The following ERC1 variants were observed in gnomAD, a reference collection of about 807,000 sequenced individuals.
ERC1 encodes the protein RAB6 interacting protein 2.
A neutral mutation model predicts 132.0 loss-of-function variants in ERC1; 56 were observed. The ratio of observed to expected loss-of-function variants is 0.42; its 90% CI spans 0.34 to 0.53. ERC1 has a LOEUF of 0.53. Ranked by LOEUF, ERC1 falls within the 20% of genes least tolerant of loss-of-function variation. ERC1 has a pLI of 0.03. For missense variants in ERC1, 1,202 were observed against 1,349.9 expected, an observed-to-expected ratio of 0.89 and a Z score of 1.72; for synonymous variants, 478 against 476.1, an observed-to-expected ratio of 1.00 and a Z score of -0.05.
chr12:1,024,031 T>C (rs1003996654), intron 1 of ERC1, among the ~76,000 whole-genome samples: 4 of 152,176 alleles, frequency 2.6e-5, no homozygotes, highest in African/African-American at 9.7e-5. Flanking sequence ...GTTTGATTTC[T>C]TTGTTTCTCT....
intron 16 of ERC1, among the ~76,000 whole-genome samples, chr12:1,407,276 T>A (rs1437582837): frequency 1.3e-5 from 2 of 149,210 alleles, no homozygotes; most frequent in African/African-American, 2.6e-5. Flanking sequence ...AGAAAAGCTA[T>A]TTATATATAT....
chr12:1,200,126 A>C (rs1956767670), intron 12 of ERC1, among the ~76,000 whole-genome samples: 1 of 152,156 alleles, frequency 6.6e-6, no homozygotes, highest in African/African-American at 2.4e-5. Context: ...AAGATTTCAC[A>C]ACTAGTTTCT....
chr12:1,411,101 C>G (rs1565379126), intron 17 of ERC1, among the ~76,000 whole-genome samples: 1 of 152,090 alleles, frequency 6.6e-6, no homozygotes, highest in Non-Finnish European at 1.5e-5. Flanking sequence ...TCTTTTCCCT[C>G]CCTTTTCATG....
rs562562183 is a variant in ERC1 at position 991,271 on chromosome 12, C to A, written c.-208C>A. ...GCGGCGGCGGCGGCGGTAGTGGCGG[C>A]GGCGGCGGTGCCTGGGCGGCAGCAG... On this transcript the variant is annotated 5_prime_UTR_variant, in exon 1 of 19. Coordinates refer to ENST00000360905, the MANE Select transcript of ERC1 (RefSeq NM_178040.4). 6.0e-5 allele frequency: 10 copies of A among 165,616 alleles called. No individual in the cohort carries two copies. The East Asian group carries it at 1.2e-3, about 20-fold the overall frequency. 10.3% of individuals were successfully genotyped at this position (165,616 alleles called of 1,614,324 possible). A position where few individuals can be genotyped will look rare whatever the true frequency, so the allele number is the denominator to read the frequency against.
chr12:1,189,594 C>T (rs1266819068), intron 11 of ERC1, among the ~76,000 whole-genome samples: 1 of 152,064 alleles, frequency 6.6e-6, no homozygotes, highest in Non-Finnish European at 1.5e-5. Flanking sequence ...GCATCTTTTG[C>T]CTTATGATGG....
At chr12:1,003,695 G>GGCAA (rs1192934350) in intron 1 of ERC1, among the ~76,000 whole-genome samples, 1 of 152,166 alleles carries the variant, frequency 6.6e-6, no homozygotes, top group East Asian at 1.9e-4. Flanking sequence ...CACAAGACAA[G>GGCAA]GCAAGGCTAA....
In ERC1 at chr12:1,400,908, A is replaced by ATTTTTTTTTTTTTTTT. The variant is rs2090967822; in HGVS notation, c.2926-7236_2926-7235insTTTTTTTTTTTTTTTT. 2.3e-4 allele frequency among the ~76,000 whole-genome samples: 10 copies of ATTTTTTTTTTTTTTTT among 43,408 alleles called. 2 individuals carry two copies. Among genetic ancestry groups the ATTTTTTTTTTTTTTTT allele is most frequent in the Non-Finnish European group, 2.3e-4 (4 of 17,696 alleles). 28.5% of individuals were successfully genotyped at this position (43,408 alleles called of 152,430 possible). On this transcript the variant is annotated intron_variant, in intron 16 of 18. Transcript: ENST00000360905. The stretch of plus-strand genomic sequence containing the variant: ...CTTCTCATTCAATATTGTTTTGGCT[A>ATTTTTTTTTTTTTTTT]TTTTTGTATTTTTTTTTTTTTTTTT...
intron 18 of ERC1, among the ~76,000 whole-genome samples, chr12:1,465,109 C>T (rs2093718328): frequency 6.6e-6 from 1 of 152,114 alleles, no homozygotes; most frequent in African/African-American, 2.4e-5. Flanking sequence ...TTGACAATTA[C>T]TGTAATCCAG....
At chr12:1,416,187 G>A (rs1859390) in intron 17 of ERC1, among the ~76,000 whole-genome samples, 3,883 of 152,286 alleles carry the variant, frequency 0.025, 192 homozygotes, top group African/African-American at 0.088. Context: ...AGGAATATCT[G>A]TAGGTTACCC....
chr12:1,203,303 T>C (rs1957080776), intron 12 of ERC1, among the ~76,000 whole-genome samples: 1 of 152,082 alleles, frequency 6.6e-6, no homozygotes, highest in Non-Finnish European at 1.5e-5. Context: ...GGTGATCTGC[T>C]TGCCTCGGCC....
At chr12:1,400,833 A>G (rs1477176555) in intron 16 of ERC1, among the ~76,000 whole-genome samples, 2 of 147,174 alleles carry the variant, frequency 1.4e-5, no homozygotes, top group African/African-American at 5.0e-5. Context: ...TAAACCTACT[A>G]TTTACTGTAG....
intron 17 of ERC1, among the ~76,000 whole-genome samples, chr12:1,433,614 G>A (rs1005088011): frequency 3.9e-5 from 6 of 152,132 alleles, no homozygotes; most frequent in African/African-American, 7.2e-5. Flanking sequence ...GCTGGAGGCT[G>A]GTTTGTTAAT....
chr12:1,218,582 G>C (rs1290284643), intron 12 of ERC1, among the ~76,000 whole-genome samples: 1 of 152,080 alleles, frequency 6.6e-6, no homozygotes, highest in African/African-American at 2.4e-5. Context: ...CTCTTGTCAA[G>C]TTATCATAAA....
chr12:1,424,864 C>CTAGCTAGCTA (rs2092577951), intron 17 of ERC1, among the ~76,000 whole-genome samples: 1 of 100,950 alleles, frequency 9.9e-6, no homozygotes, highest in African/African-American at 3.8e-5. Flanking sequence ...ATAGATAGAT[C>CTAGCTAGCTA]GATAGATAGA....
intron 15 of ERC1, among the ~76,000 whole-genome samples, chr12:1,360,317 G>A (rs1279891202): frequency 6.6e-6 from 1 of 152,208 alleles, no homozygotes; most frequent in East Asian, 1.9e-4. Context: ...TGAAGTAGAA[G>A]AATCTTTCTA....
intron 17 of ERC1, among the ~76,000 whole-genome samples, chr12:1,412,618 G>T (rs570065240): frequency 6.6e-6 from 1 of 152,102 alleles, no homozygotes; most frequent in South Asian, 2.1e-4. Flanking sequence ...TGTGAGACAC[G>T]TGGACTCCAG....
At chr12:1,277,696 A>G (rs778117275) in intron 14 of ERC1, among the ~76,000 whole-genome samples, 2 of 152,232 alleles carry the variant, frequency 1.3e-5, no homozygotes, top group Non-Finnish European at 2.9e-5. Flanking sequence ...CGTTGGTAAC[A>G]TAAACGGTGC....
intron 18 of ERC1, among the ~76,000 whole-genome samples, chr12:1,476,697 C>T (rs1006339361): frequency 6.6e-6 from 1 of 152,086 alleles, no homozygotes; most frequent in African/African-American, 2.4e-5. Flanking sequence ...AATATCAGTA[C>T]AGCTATTCTA....
At chr12:998,851 C>T (rs56884625) in intron 1 of ERC1, among the ~76,000 whole-genome samples, 219 of 141,210 alleles carry the variant, frequency 1.6e-3, no homozygotes, top group African/African-American at 5.6e-3. Context: ...CTTTCTCTGT[C>T]ACTTTTTTTT....
Sources: allele counts gnomAD v4.1 joint callset (sites outside exome capture counted in the v4.1 genomes callset), GRCh38; gene constraint gnomAD v4.1.1; transcripts MANE v1.5; gene names NCBI Gene and HGNC (gene_info 2026-07-23, HGNC 2026-07-21).